Variants in ADARB2 observed in about 807,000 individuals in gnomAD.
The protein encoded by ADARB2 is adenosine deaminase RNA specific B2 (inactive).
In ADARB2, 25 loss-of-function variants were observed where a neutral mutation model predicts 62.2. That is an observed-to-expected ratio of 0.40 (90% CI 0.29 to 0.56). The LOEUF is 0.56. Ranked by LOEUF, ADARB2 falls within the 20% of genes least tolerant of loss-of-function variation. The pLI is 0.43. For missense variants in ADARB2, 1,071 were observed against 1,077.4 expected, an observed-to-expected ratio of 0.99 and a Z score of 0.08; for synonymous variants, 572 against 500.8, an observed-to-expected ratio of 1.14 and a Z score of -1.90.
chr10:1,473,441 G>A (rs574692574), intron 1 of ADARB2, among the ~76,000 whole-genome samples: 2 of 152,138 alleles, frequency 1.3e-5, no homozygotes, highest in South Asian at 4.1e-4. Flanking sequence ...GGAGTGCAGT[G>A]GTGTGATGTC....
At chr10:1,690,830 C>G (rs953089882) in intron 1 of ADARB2, among the ~76,000 whole-genome samples, 3 of 152,226 alleles carry the variant, frequency 2.0e-5, no homozygotes, top group Non-Finnish European at 2.9e-5. Flanking sequence ...CGGGTCTCCC[C>G]GATCCTCCTC....
intron 5 of ADARB2, among the ~76,000 whole-genome samples, chr10:1,238,378 A>G (rs1195013503): frequency 4.9e-3 from 1 of 204 alleles, no homozygotes; most frequent in Non-Finnish European, 8.5e-3. Context: ...TACTCCCTGC[A>G]TCCCGGTGTT....
intron 1 of ADARB2, among the ~76,000 whole-genome samples, chr10:1,450,621 C>A (rs1031248160): frequency 6.6e-6 from 1 of 152,346 alleles, no homozygotes; most frequent in East Asian, 1.9e-4. Context: ...GAGGACTGAA[C>A]AAGAACAGGC....
intron 1 of ADARB2, among the ~76,000 whole-genome samples, chr10:1,452,611 G>A (rs960066619): frequency 2.7e-5 from 4 of 148,672 alleles, no homozygotes; most frequent in Admixed American, 6.6e-5. Flanking sequence ...TCATGGACAC[G>A]GGGGTTGGGG....
chr10:1,496,136 A>G (rs1373492830), intron 1 of ADARB2, among the ~76,000 whole-genome samples: 1 of 151,712 alleles, frequency 6.6e-6, no homozygotes, highest in African/African-American at 2.4e-5. Flanking sequence ...TATCTTAGTC[A>G]TCATAATCAC....
In ADARB2 at chr10:1,182,599, G is replaced by C. The variant is rs1196171008; in HGVS notation, c.*594C>G. ...CCTTCACTTTGTGGGAATGGCTTTC[G>C]TTTCTCTGGTTCTATTTTAGGTGTT... On this transcript the variant is annotated 3_prime_UTR_variant, in exon 10 of 10. Coordinates refer to ENST00000381312, the MANE Select transcript of ADARB2 (RefSeq NM_018702.4). The C allele has an allele frequency of 6.6e-6, 1 of 152,434 alleles. No individual in the cohort carries two copies. Among genetic ancestry groups the C allele is most frequent in the Admixed American group, 6.5e-5 (1 of 15,288 alleles). 9.4% of individuals were successfully genotyped at this position (152,434 alleles called of 1,614,324 possible). A position where few individuals can be genotyped will look rare whatever the true frequency, so the allele number is the denominator to read the frequency against.
intron 1 of ADARB2, among the ~76,000 whole-genome samples, chr10:1,517,996 A>G (rs1399823251): frequency 6.6e-6 from 1 of 152,168 alleles, no homozygotes; most frequent in Non-Finnish European, 1.5e-5. Context: ...TCACATCCCT[A>G]TCAGTCCCAC....
intron 4 of ADARB2, among the ~76,000 whole-genome samples, chr10:1,245,481 T>TC (rs776796525): frequency 2.6e-3 from 358 of 137,014 alleles, no homozygotes; most frequent in Admixed American, 4.3e-3. Context: ...ATGCTATTCC[T>TC]CCCCCCTCCC....
intron 1 of ADARB2, among the ~76,000 whole-genome samples, chr10:1,415,251 G>A (rs11250499): frequency 6.6e-6 from 1 of 151,556 alleles, no homozygotes; most frequent in Admixed American, 6.6e-5. Flanking sequence ...TGGGTACAAG[G>A]GTACATGAGT....
intron 1 of ADARB2, among the ~76,000 whole-genome samples, chr10:1,689,851 A>G (rs1347682277): frequency 6.6e-6 from 1 of 152,220 alleles, no homozygotes; most frequent in Non-Finnish European, 1.5e-5. Context: ...ATTGCTCGCC[A>G]AATAACAGTC....
chr10:1,212,087 A>T (rs777484742), intron 7 of ADARB2, among the ~76,000 whole-genome samples: 1 of 152,122 alleles, frequency 6.6e-6, no homozygotes, highest in South Asian at 2.1e-4. Flanking sequence ...TTCCACCTCC[A>T]TGTCCTCAGA....
At chr10:1,409,221 G>A (rs540762700) in intron 1 of ADARB2, among the ~76,000 whole-genome samples, 33 of 85,920 alleles carry the variant, frequency 3.8e-4, no homozygotes, top group South Asian at 1.3e-3. Context: ...TCCCACCTTC[G>A]TCGCCCCGCC....
At chr10:1,355,654 T>C (rs1306956717) in intron 3 of ADARB2, among the ~76,000 whole-genome samples, 3 of 152,200 alleles carry the variant, frequency 2.0e-5, no homozygotes, top group African/African-American at 4.8e-5. Context: ...ATATTAACCA[T>C]ATTTGAAAAT....
intron 4 of ADARB2, among the ~76,000 whole-genome samples, chr10:1,256,746 G>A (rs1831082807): frequency 6.6e-6 from 1 of 152,188 alleles, no homozygotes; most frequent in Middle Eastern, 3.2e-3. Context: ...CTACCCCCAA[G>A]AAAGAGGTAG....
At chr10:1,405,601 C>T (rs1832700577) in intron 1 of ADARB2, among the ~76,000 whole-genome samples, 1 of 137,936 alleles carries the variant, frequency 7.2e-6, no homozygotes, top group South Asian at 2.3e-4. Context: ...CACTGCACTC[C>T]AGCCTGGAAG....
intron 1 of ADARB2, among the ~76,000 whole-genome samples, chr10:1,436,877 C>T (rs1830840386): frequency 6.6e-6 from 1 of 152,094 alleles, no homozygotes; most frequent in Non-Finnish European, 1.5e-5. Flanking sequence ...TCTTATATTG[C>T]TTACTGTTTG....
chr10:1,217,174 G>A lies in ADARB2; in HGVS notation c.1514-55C>T, dbSNP rs1830637046. On this transcript the variant is annotated intron_variant, in intron 6 of 9. Coordinates refer to ENST00000381312, the MANE Select transcript of ADARB2 (RefSeq NM_018702.4). Reference sequence around the variant, plus strand: ...GAAGAGGGAAGCCGCCTTGGTTTTGGGAGGTGGGAGAAGAGGAAGGACTGC... The same window carrying A: ...GAAGAGGGAAGCCGCCTTGGTTTTGAGAGGTGGGAGAAGAGGAAGGACTGC... 3.4e-6 allele frequency: 5 copies of A among 1,475,460 alleles called. No individual in the cohort carries two copies. The Middle Eastern group carries it at 5.3e-4, about 157-fold the overall frequency. The allele number at this position is 1,475,460 out of a possible 1,614,324, so 91.4% of individuals were successfully genotyped here.
intron 3 of ADARB2, among the ~76,000 whole-genome samples, chr10:1,285,955 G>A (rs1256426528): frequency 1.3e-5 from 2 of 152,142 alleles, no homozygotes; most frequent in African/African-American, 2.4e-5. Context: ...GGGTTTATAC[G>A]GCTGAAAAAT....
intron 1 of ADARB2, among the ~76,000 whole-genome samples, chr10:1,591,380 A>C (rs1208118006): frequency 1.6e-5 from 1 of 64,240 alleles, no homozygotes; most frequent in Non-Finnish European, 3.2e-5. Flanking sequence ...CATTCCCACT[A>C]AGCACTGTTA....
Sources: gnomAD v4.1 joint callset for allele counts (sites outside exome capture counted in the v4.1 genomes callset) on GRCh38, gnomAD v4.1.1 for gene constraint, MANE v1.5 for transcripts, NCBI Gene and HGNC (gene_info 2026-07-23, HGNC 2026-07-21) for gene names.